CFAP47: variants seen among roughly 807,000 people sequenced by gnomAD.
The protein encoded by CFAP47 is cilia and flagella associated protein 47, also known as cilia- and flagella-associated protein 47.
In CFAP47, 29 loss-of-function variants were observed where a neutral mutation model predicts 148.1. The ratio of observed to expected loss-of-function variants is 0.20; its 90% CI spans 0.15 to 0.27. The LOEUF is 0.27. Ranked by LOEUF, CFAP47 falls within the 10% of genes least tolerant of loss-of-function variation. The pLI is 1.00. For synonymous variants in CFAP47, 664 were observed against 577.3 expected (o/e 1.15, Z -2.15); for missense variants, 1,872 against 1,697.5 (o/e 1.10, Z -1.81).
Position 36,171,905 on chromosome X carries a change from C to T in CFAP47, c.6027-7440C>T, listed in dbSNP as rs1190107337. Among the ~76,000 whole-genome samples the T allele has an allele frequency of 1.3e-4, 14 of 109,188 alleles. No individual in the cohort carries two copies. The East Asian group carries it at 2.9e-3, about 23-fold the overall frequency. 94.8% of individuals were successfully genotyped at this position (109,188 alleles called of 115,157 possible). Reference sequence around the variant, plus strand: ...ACCTTGGGCAGTATGGCCATTTTCACGATATTGATTCTTCCTACCCATGAG... The same window carrying T: ...ACCTTGGGCAGTATGGCCATTTTCATGATATTGATTCTTCCTACCCATGAG... On this transcript the variant is annotated intron_variant, in intron 39 of 63. Coordinates refer to ENST00000378653, the MANE Select transcript of CFAP47 (RefSeq NM_001304548.2).
chrX:36,081,360 C>T (rs1292400621), intron 29 of CFAP47, among the ~76,000 whole-genome samples: 1 of 110,712 alleles, frequency 9.0e-6, no homozygotes, highest in Non-Finnish European at 1.9e-5. Context: ...AATAAAAAAC[C>T]TACTAACAAA....
chrX:36,338,078 G>A (rs1941623578), intron 57 of CFAP47, among the ~76,000 whole-genome samples: 1 of 94,378 alleles, frequency 1.1e-5, no homozygotes, highest in Admixed American at 1.2e-4. Flanking sequence ...TAGTAGAGAC[G>A]GGGTTTCACC....
chrX:36,371,682 A>ATG (rs1180574930), intron 62 of CFAP47, among the ~76,000 whole-genome samples: 1 of 74,465 alleles, frequency 1.3e-5, no homozygotes, highest in Non-Finnish European at 2.4e-5. Context: ...ATGTGTATAT[A>ATG]TGTGTGTATA....
At chrX:36,245,642 A>T (rs1940606021) in intron 48 of CFAP47, among the ~76,000 whole-genome samples, 2 of 111,626 alleles carry the variant, frequency 1.8e-5, no homozygotes. Flanking sequence ...GAGGTAGAAG[A>T]TCTCTGCAAA....
At chrX:36,205,877 T>C (rs868918770) in intron 45 of CFAP47, among the ~76,000 whole-genome samples, 2 of 112,165 alleles carry the variant, frequency 1.8e-5, no homozygotes, top group Middle Eastern at 9.3e-3. Context: ...TTTTGCTAAA[T>C]TTGGTTTTGT....
chrX:36,047,092 T>G, intron 26 of CFAP47, 29 bp downstream of exon 26: 1 of 926,695 alleles, frequency 1.1e-6, no homozygotes. Flanking sequence ...CATTATTTTG[T>G]ATCTGACATT....
intron 51 of CFAP47, among the ~76,000 whole-genome samples, chrX:36,289,390 C>T (rs990402034): frequency 5.4e-5 from 6 of 111,220 alleles, no homozygotes; most frequent in Non-Finnish European, 9.4e-5. Context: ...TTTTCTTCCT[C>T]ATGAAATGTT....
chrX:35,978,372 G>A (rs1033995319), intron 15 of CFAP47, among the ~76,000 whole-genome samples: 5 of 111,885 alleles, frequency 4.5e-5, no homozygotes, highest in Non-Finnish European at 9.4e-5. Context: ...AAAGAGAAGT[G>A]GAATTATGAT....
At chrX:35,965,436 T>C (rs1378830479) in intron 8 of CFAP47, among the ~76,000 whole-genome samples, 2 of 111,824 alleles carry the variant, frequency 1.8e-5, no homozygotes, top group Admixed American at 1.9e-4. Flanking sequence ...AATTAAATCT[T>C]TTCTGGGAAT....
intron 55 of CFAP47, among the ~76,000 whole-genome samples, chrX:36,308,572 C>G (rs1443804587): frequency 4.5e-5 from 5 of 111,163 alleles, no homozygotes; most frequent in Non-Finnish European, 7.6e-5. Flanking sequence ...GAACAGGCAT[C>G]TAAAGAAAAT....
intron 10 of CFAP47, among the ~76,000 whole-genome samples, chrX:35,970,241 A>G (rs1025415207): frequency 9.0e-6 from 1 of 111,370 alleles, no homozygotes; most frequent in Non-Finnish European, 1.9e-5. Flanking sequence ...TATTAGATAT[A>G]AAGTAATTCG....
At chrX:36,300,296 T>TA (rs1314106541) in intron 52 of CFAP47, among the ~76,000 whole-genome samples, 123 of 106,042 alleles carry the variant, frequency 1.2e-3, no homozygotes, top group African/African-American at 4.2e-3. Context: ...TTATACTTAT[T>TA]TTTTTTTTTT....
At chrX:36,371,808 ATATATGTGTGCATATACACACATGTGTG>A (rs1941959038) in intron 62 of CFAP47, among the ~76,000 whole-genome samples, 1 of 64,225 alleles carries the variant, frequency 1.6e-5, no homozygotes, top group Non-Finnish European at 2.6e-5. Flanking sequence ...ACACACATGT[ATATATGTGTGCATATACACACATGTGTG>A]TATATGTGTG....
chrX:36,031,667 T>G (rs1937280709), intron 23 of CFAP47, among the ~76,000 whole-genome samples: 1 of 109,757 alleles, frequency 9.1e-6, no homozygotes, highest in Non-Finnish European at 1.9e-5. Context: ...ATGGAAGCTA[T>G]GATTTAAATT....
intron 33 of CFAP47, among the ~76,000 whole-genome samples, chrX:36,110,603 T>C (rs1938540104): frequency 8.9e-6 from 1 of 112,107 alleles, no homozygotes; most frequent in African/African-American, 3.2e-5. Context: ...TCTTTTTTGG[T>C]TCCATATGAA....
At chrX:35,992,762 G>T (rs1238914728) in intron 17 of CFAP47, among the ~76,000 whole-genome samples, 1 of 111,164 alleles carries the variant, frequency 9.0e-6, no homozygotes, top group African/African-American at 3.3e-5. Flanking sequence ...TAGGCTTTCT[G>T]TCAAGGAAAT....
chrX:36,188,860 C>G (rs1010124713), intron 41 of CFAP47, among the ~76,000 whole-genome samples, 170 bp downstream of exon 41: 1 of 111,329 alleles, frequency 9.0e-6, no homozygotes, highest in East Asian at 2.8e-4. Context: ...AGTCTTTTCC[C>G]TTGATGACCC....
chrX:36,076,101 C>T (rs1327800006), intron 29 of CFAP47, among the ~76,000 whole-genome samples: 1 of 111,179 alleles, frequency 9.0e-6, no homozygotes, highest in African/African-American at 3.3e-5. Flanking sequence ...TGAGAAATCT[C>T]CAAACTGCTT....
At chrX:36,134,471 T>TA (rs199759494) in intron 33 of CFAP47, among the ~76,000 whole-genome samples, 14,176 of 110,682 alleles carry the variant, frequency 0.13, 916 homozygotes, top group East Asian at 0.28. Context: ...GGAATATATC[T>TA]ACACAAATAT....
Sources: allele counts gnomAD v4.1 joint callset (sites outside exome capture counted in the v4.1 genomes callset), GRCh38; gene constraint gnomAD v4.1.1; transcripts MANE v1.5; gene names NCBI Gene and HGNC (gene_info 2026-07-23, HGNC 2026-07-21).